The following NAMPT variants were observed in gnomAD, a reference collection of about 807,000 sequenced individuals.
The protein encoded by NAMPT is NAmPRTase.
Under a neutral mutation model 58.7 loss-of-function variants are expected in NAMPT, and 7 were observed. The ratio of observed to expected loss-of-function variants is 0.12; its 90% CI spans 0.07 to 0.22. The LOEUF (loss-of-function observed/expected upper bound fraction) is 0.22. NAMPT is among the 10% of genes least tolerant of loss of function. The probability of loss-of-function intolerance (pLI) is 1.00; values close to 1 mark genes in which losing one functional copy is unlikely to be tolerated. For synonymous variants in NAMPT, 145 were observed against 198.1 expected (o/e 0.73, Z 2.25); for missense variants, 271 against 567.9 (o/e 0.48, Z 5.31).
chr7:106,253,787 A>T (rs1792145834), intron 9 of NAMPT, among the ~76,000 whole-genome samples: 1 of 152,134 alleles, frequency 6.6e-6, no homozygotes, highest in Admixed American at 6.5e-5. Flanking sequence ...TTTCCAAAGA[A>T]AGATCAAAGA....
chr7:106,257,593 T>A (rs995128671), intron 8 of NAMPT, among the ~76,000 whole-genome samples: 42 of 150,902 alleles, frequency 2.8e-4, no homozygotes, highest in African/African-American at 1.0e-3. Context: ...ACTGCACCAC[T>A]GCACTAAGCC....
chr7:106,285,523 C>T, upstream of NAMPT: 1 of 986,176 alleles, frequency 1.0e-6, no homozygotes, highest in Middle Eastern at 5.2e-4. Flanking sequence ...TTCCCGTCCA[C>T]CACGCGCAGT....
At chr7:106,282,916 A>G (rs1792793493) in intron 1 of NAMPT, among the ~76,000 whole-genome samples, 1 of 152,208 alleles carries the variant, frequency 6.6e-6, no homozygotes, top group East Asian at 1.9e-4. Context: ...TAACCTCAAG[A>G]TTATCATTTT....
rs1792089615 is a variant in NAMPT, at chr7:106,250,539, TA to T, written c.*543del. 1 of 154,632 alleles carries T rather than the reference TA, an allele frequency of 6.5e-6. No individual in the cohort carries two copies. The highest frequency in any genetic ancestry group is 2.4e-5 in the African/African-American group (1 of 41,554). The allele number at this position is 154,632 out of a possible 1,614,324, so 9.6% of individuals were successfully genotyped here. A position where few individuals can be genotyped will look rare whatever the true frequency, so the allele number is the denominator to read the frequency against. On this transcript the variant is annotated 3_prime_UTR_variant, in exon 11 of 11. Coordinates refer to ENST00000222553, the MANE Select transcript of NAMPT (RefSeq NM_005746.3). ...CCGACATAATTTTCAAATTGTACAA[TA>T]ACACAAACAACTTTGTTAAGGCCAT...
chr7:106,268,384 C>A, intron 6 of NAMPT, 80 bp downstream of exon 6: 1 of 1,320,788 alleles, frequency 7.6e-7, no homozygotes, highest in Non-Finnish European at 1.1e-6. Context: ...CCTGGCTCTG[C>A]AGTTAGGTAA....
chr7:106,272,382 T>C (rs922458922), intron 4 of NAMPT, 148 bp downstream of exon 4: 5 of 629,180 alleles, frequency 7.9e-6, no homozygotes, highest in Non-Finnish European at 1.3e-5. Flanking sequence ...TAGTCTGTCA[T>C]TTTATAGATG....
intron 4 of NAMPT, 88 bp downstream of exon 4, chr7:106,272,442 C>G (rs1017566143): frequency 9.0e-6 from 11 of 1,227,728 alleles, no homozygotes; most frequent in Non-Finnish European, 1.2e-5. Context: ...GATTATATAG[C>G]TTTATTAGTA....
At chr7:106,281,860 T>C (rs1028098559) in intron 1 of NAMPT, among the ~76,000 whole-genome samples, 2 of 152,194 alleles carry the variant, frequency 1.3e-5, no homozygotes, top group Non-Finnish European at 2.9e-5. Context: ...TGTATCTCTT[T>C]TGCCACACCT....
chr7:106,274,906 GA>G, intron 3 of NAMPT, 39 bp downstream of exon 3: 1 of 1,398,044 alleles, frequency 7.2e-7, no homozygotes, highest in Non-Finnish European at 9.9e-7. Context: ...TGAACTGAAA[GA>G]AAAACCAAAA....
At chr7:106,262,806 C>T (rs774639073) in intron 7 of NAMPT, among the ~76,000 whole-genome samples, 18 of 151,812 alleles carry the variant, frequency 1.2e-4, no homozygotes, top group Non-Finnish European at 2.5e-4. Flanking sequence ...GATTAAATGG[C>T]GTATCTTATG....
chr7:106,274,819 C>A lies in NAMPT; in HGVS notation c.318+127G>T, dbSNP rs1453499893. 2.1e-5 allele frequency: 13 copies of A among 613,458 alleles called. No homozygotes were observed. The Admixed American group carries it at 3.2e-4, about 15-fold the overall frequency. 38.0% of individuals were successfully genotyped at this position (613,458 alleles called of 1,614,324 possible). A position where few individuals can be genotyped will look rare whatever the true frequency, so the allele number is the denominator to read the frequency against. On this transcript the variant is annotated intron_variant, in intron 3 of 10. Transcript: ENST00000222553. The stretch of plus-strand genomic sequence containing the variant: ...GCAGTGAGCCGAGATTGTGCCACTG[C>A]ACTCCAGCCTGGGTGACAGAGTGAC...
chr7:106,257,830 G>C (rs1003426451), intron 8 of NAMPT, among the ~76,000 whole-genome samples: 13 of 152,196 alleles, frequency 8.5e-5, no homozygotes, highest in African/African-American at 2.7e-4. Context: ...GCAACAGGCA[G>C]GCTAATGGGA....
intron 2 of NAMPT, chr7:106,276,307 A>C (rs1483192697): frequency 1.3e-5 from 2 of 152,182 alleles, no homozygotes; most frequent in Non-Finnish European, 2.9e-5. Context: ...TCAAATAAGA[A>C]AGCACAGAAA....
At chr7:106,282,426 T>A (rs1171390767) in intron 1 of NAMPT, among the ~76,000 whole-genome samples, 2 of 152,214 alleles carry the variant, frequency 1.3e-5, no homozygotes, top group Non-Finnish European at 2.9e-5. Context: ...AGCTTACAGA[T>A]GACCCTTTGA....
upstream of NAMPT, chr7:106,285,135 TTC>T: frequency 7.9e-7 from 1 of 1,272,078 alleles, no homozygotes. Flanking sequence ...CCCACCTCGG[TTC>T]CCCCGCCTTC....
intron 8 of NAMPT, among the ~76,000 whole-genome samples, chr7:106,260,581 A>G (rs929529934): frequency 6.6e-6 from 1 of 152,178 alleles, no homozygotes; most frequent in Non-Finnish European, 1.5e-5. Context: ...TGCATTCACA[A>G]CTTGGCCTAC....
rs745823902 is a variant in NAMPT at position 106,263,379 on chromosome 7, T to A, written c.969+13A>T. 2.6e-6 allele frequency: 4 copies of A among 1,555,594 alleles called. No homozygotes were observed. Among genetic ancestry groups the A allele is most frequent in the Non-Finnish European group, 3.5e-6 (4 of 1,127,878 alleles). ...GAGGGATTCTAATAATAAAGTTACATATGAAAATTTACCTTTAACACAGTG... is the reference window on the plus strand; with the variant it reads ...GAGGGATTCTAATAATAAAGTTACAAATGAAAATTTACCTTTAACACAGTG... On this transcript the variant is annotated intron_variant, in intron 7 of 10. Coordinates refer to ENST00000222553, the MANE Select transcript of NAMPT (RefSeq NM_005746.3).
chr7:106,255,823 G>A (rs929032441), intron 8 of NAMPT, among the ~76,000 whole-genome samples: 1 of 152,150 alleles, frequency 6.6e-6, no homozygotes, highest in Non-Finnish European at 1.5e-5. Context: ...AATGCAAAGA[G>A]TAGAACAGAA....
At chr7:106,255,708 C>A (rs1792187036) in intron 8 of NAMPT, among the ~76,000 whole-genome samples, 1 of 152,110 alleles carries the variant, frequency 6.6e-6, no homozygotes, top group African/African-American at 2.4e-5. Context: ...GCACGCAAAT[C>A]CAGTCTCATG....
Sources: allele counts gnomAD v4.1 joint callset (sites outside exome capture counted in the v4.1 genomes callset), GRCh38; gene constraint gnomAD v4.1.1; transcripts MANE v1.5; gene names NCBI Gene and HGNC (gene_info 2026-07-23, HGNC 2026-07-21).